Variants in CFAP299 observed in about 807,000 individuals in gnomAD.
CFAP299 encodes cilia and flagella associated protein 299.
Under a neutral mutation model 27.0 loss-of-function variants are expected in CFAP299, and 21 were observed. The ratio of observed to expected loss-of-function variants is 0.78; its 90% CI spans 0.55 to 1.12. The LOEUF is 1.12. CFAP299 is among the 50% of genes most tolerant of loss of function. The probability of loss-of-function intolerance (pLI) is 0.00; values close to 1 mark genes in which losing one functional copy is unlikely to be tolerated. For synonymous variants in CFAP299, 104 were observed against 98.1 expected (o/e 1.06, Z -0.36); for missense variants, 310 against 276.6 (o/e 1.12, Z -0.86).
intron 3 of CFAP299, among the ~76,000 whole-genome samples, chr4:80,626,604 A>C (rs2109939538): frequency 6.6e-6 from 1 of 151,862 alleles, no homozygotes; most frequent in Non-Finnish European, 1.5e-5. Flanking sequence ...AGATAAACAA[A>C]ATAAAACTTT....
intron 3 of CFAP299, among the ~76,000 whole-genome samples, chr4:80,659,919 T>C (rs1740752482): frequency 6.6e-6 from 1 of 152,106 alleles, no homozygotes; most frequent in South Asian, 2.1e-4. Flanking sequence ...TATTCAACCC[T>C]TAGTAAAAAT....
chr4:80,469,955 CT>C (rs1729904671), intron 2 of CFAP299, among the ~76,000 whole-genome samples: 2 of 151,884 alleles, frequency 1.3e-5, no homozygotes, highest in South Asian at 4.2e-4. Context: ...AAGAAAAAAT[CT>C]AGGTGTATCA....
chr4:80,530,122 A>T (rs1267320104), intron 2 of CFAP299, among the ~76,000 whole-genome samples: 1 of 152,166 alleles, frequency 6.6e-6, no homozygotes, highest in Non-Finnish European at 1.5e-5. Flanking sequence ...TATTTCTATT[A>T]AGTCCACAAG....
At chr4:80,642,242 T>C (rs879862488) in intron 3 of CFAP299, among the ~76,000 whole-genome samples, 1 of 152,212 alleles carries the variant, frequency 6.6e-6, no homozygotes, top group African/African-American at 2.4e-5. Flanking sequence ...ATGGTGAACA[T>C]AAAACCTCAT....
intron 3 of CFAP299, among the ~76,000 whole-genome samples, chr4:80,658,343 A>G (rs1013757985): frequency 3.3e-5 from 5 of 152,152 alleles, no homozygotes; most frequent in South Asian, 4.1e-4. Flanking sequence ...GCTTTTACCA[A>G]TTCACTGTGA....
intron 2 of CFAP299, among the ~76,000 whole-genome samples, chr4:80,428,691 TA>T (rs1269618495): frequency 3.8e-4 from 16 of 41,814 alleles, no homozygotes; most frequent in Admixed American, 8.8e-4. Context: ...CATGCCTCGC[TA>T]ATTTTTTTTT....
In CFAP299 at chr4:80,870,056, G is replaced by A. The variant is rs552124360; in HGVS notation, c.397G>A (p.Ala133Thr). 10 of 1,613,736 alleles carry A rather than the reference G, an allele frequency of 6.2e-6. No individual in the cohort carries two copies. Among genetic ancestry groups the A allele is most frequent in the Non-Finnish European group, 8.5e-6 (10 of 1,179,766 alleles). Reference sequence around the variant, plus strand: ...AGAGATATCAGGATACATCGACTATGCCCACAGGCTAAAGACGGAAGATTT... The same window carrying A: ...AGAGATATCAGGATACATCGACTATACCCACAGGCTAAAGACGGAAGATTT... ...GQEISGYIDY[A>T]HRLKTEDFEV... Residue 133 changes from alanine (A) to threonine (T), a missense_variant, in exon 4 of 6, where the codon GCC (alanine) becomes ACC (threonine). Coordinates refer to ENST00000358105, the MANE Select transcript of CFAP299 (RefSeq NM_152770.3).
chr4:80,859,557 C>G (rs886391900), intron 3 of CFAP299, among the ~76,000 whole-genome samples: 1 of 151,874 alleles, frequency 6.6e-6, no homozygotes, highest in Non-Finnish European at 1.5e-5. Flanking sequence ...ACTGGTTGTT[C>G]CTTTCCATGT....
chr4:80,747,815 C>G (rs577599687), intron 3 of CFAP299, among the ~76,000 whole-genome samples: 10 of 152,106 alleles, frequency 6.6e-5, no homozygotes, highest in Middle Eastern at 3.4e-3. Flanking sequence ...ACTGTTACTT[C>G]CTCTCAGGTG....
intron 2 of CFAP299, among the ~76,000 whole-genome samples, chr4:80,410,621 GT>G (rs1336012139): frequency 6.6e-6 from 1 of 152,170 alleles, no homozygotes; most frequent in Non-Finnish European, 1.5e-5. Flanking sequence ...TGTATTGCAT[GT>G]GGCCTTTTTC....
rs1315048403 is a variant in CFAP299 at position 80,799,314 on chromosome 4, A to ATATATTG, written c.334-70675_334-70674insTTGTATA. 8.1e-4 allele frequency among the ~76,000 whole-genome samples: 80 copies of ATATATTG among 99,124 alleles called. 6 individuals are homozygous for ATATATTG. The highest frequency in any genetic ancestry group is 3.2e-3 in the African/African-American group (74 of 22,796). The allele number at this position is 99,124 out of a possible 152,430, so 65.0% of individuals were successfully genotyped here. A position where few individuals can be genotyped will look rare whatever the true frequency, so the allele number is the denominator to read the frequency against. On this transcript the variant is annotated intron_variant, in intron 3 of 5. Coordinates refer to ENST00000358105, the MANE Select transcript of CFAP299 (RefSeq NM_152770.3). ...AAATATATTTATATAATATTTATAT[A>ATATATTG]TATAAATATATTTATATAATATTTA...
intron 1 of CFAP299, among the ~76,000 whole-genome samples, chr4:80,352,849 GA>G (rs1363022392): frequency 6.6e-6 from 1 of 151,658 alleles, no homozygotes; most frequent in Non-Finnish European, 1.5e-5. Flanking sequence ...AGAAAAATTA[GA>G]AAAAAATTTG....
chr4:80,345,955 A>G (rs1208889356), intron 1 of CFAP299, among the ~76,000 whole-genome samples: 1 of 151,820 alleles, frequency 6.6e-6, no homozygotes, highest in African/African-American at 2.4e-5. Flanking sequence ...TGACTTTTTA[A>G]TGATTGCCAT....
intron 3 of CFAP299, among the ~76,000 whole-genome samples, chr4:80,690,004 A>G (rs201557956): frequency 0.018 from 2,669 of 149,250 alleles, 74 homozygotes; most frequent in Admixed American, 0.06. Context: ...TATCCTAAAT[A>G]TATATGCACC....
rs530909227 is a variant in CFAP299, at chr4:80,604,079, A to G, written c.333+20896A>G. On this transcript the variant is annotated intron_variant, in intron 3 of 5. Coordinates refer to ENST00000358105, the MANE Select transcript of CFAP299 (RefSeq NM_152770.3). ...AGAATTTTTACTTGTTGAAACCATTATCCTTACCTTTAGGAGACTTCATTC... is the reference window on the plus strand; with the variant it reads ...AGAATTTTTACTTGTTGAAACCATTGTCCTTACCTTTAGGAGACTTCATTC... Among the ~76,000 whole-genome samples the G allele has an allele frequency of 1.2e-4, 19 of 152,288 alleles. No homozygotes were observed. The South Asian group carries it at 3.5e-3, about 28-fold the overall frequency.
At chr4:80,629,130 TA>T (rs752800641) in intron 3 of CFAP299, among the ~76,000 whole-genome samples, 1 of 152,034 alleles carries the variant, frequency 6.6e-6, no homozygotes, top group Non-Finnish European at 1.5e-5. Context: ...TATTAAGCCA[TA>T]AAAAAGAAGG....
At chr4:80,404,094 T>G (rs985494629) in intron 2 of CFAP299, among the ~76,000 whole-genome samples, 2 of 152,206 alleles carry the variant, frequency 1.3e-5, no homozygotes. Context: ...TACAAAAACC[T>G]ACACCTACAT....
chr4:80,540,674 A>G (rs917106511), intron 2 of CFAP299, among the ~76,000 whole-genome samples: 1 of 152,212 alleles, frequency 6.6e-6, no homozygotes, highest in Non-Finnish European at 1.5e-5. Flanking sequence ...ACACATGGAT[A>G]GCAAGTTAAA....
At chr4:80,692,931 A>G (rs1375507591) in intron 3 of CFAP299, among the ~76,000 whole-genome samples, 1 of 142,410 alleles carries the variant, frequency 7.0e-6, no homozygotes, top group African/African-American at 2.5e-5. Flanking sequence ...ATGCAGCCAA[A>G]AAACACATGA....
Sources: allele counts gnomAD v4.1 joint callset (sites outside exome capture counted in the v4.1 genomes callset), GRCh38; gene constraint gnomAD v4.1.1; transcripts MANE v1.5; gene names NCBI Gene and HGNC (gene_info 2026-07-23, HGNC 2026-07-21).